The following ASCC1 variants were observed in gnomAD, a reference collection of about 807,000 sequenced individuals.
ASCC1 encodes the protein ASC-1 complex subunit P50.
ASCC1 carries 35 observed loss-of-function variants against 46.6 expected under a neutral mutation model. That is an observed-to-expected ratio of 0.75 (90% CI 0.57 to 0.99). The LOEUF (loss-of-function observed/expected upper bound fraction) is 0.99, where lower values mean the gene tolerates loss of function less well. Ranked by LOEUF, ASCC1 falls within the 50% of genes least tolerant of loss-of-function variation. The pLI is 0.00. For synonymous variants in ASCC1, 143 were observed against 146.6 expected, an observed-to-expected ratio of 0.98 and a Z score of 0.18; for missense variants, 376 against 428.7, an observed-to-expected ratio of 0.88 and a Z score of 1.09.
chr10:72,177,332 G>C (rs1321999662), intron 5 of ASCC1, among the ~76,000 whole-genome samples: 2 of 151,976 alleles, frequency 1.3e-5, no homozygotes, highest in African/African-American at 4.8e-5. Flanking sequence ...CAGTTCAAAA[G>C]ATAACTACAA....
intron 7 of ASCC1, among the ~76,000 whole-genome samples, chr10:72,142,182 GTCTT>G (rs1167524685): frequency 7.9e-5 from 12 of 152,026 alleles, no homozygotes; most frequent in Non-Finnish European, 1.5e-4. Flanking sequence ...TTTATCAAAA[GTCTT>G]TCAGCCATGC....
chr10:72,100,470 G>A (rs1398414311), intron 9 of ASCC1, among the ~76,000 whole-genome samples: 4 of 151,878 alleles, frequency 2.6e-5, no homozygotes, highest in African/African-American at 7.3e-5. Flanking sequence ...CAGGTGGTCC[G>A]CCTGCCTTGG....
At chr10:72,184,605 G>C (rs931691337) in intron 5 of ASCC1, among the ~76,000 whole-genome samples, 1 of 152,034 alleles carries the variant, frequency 6.6e-6, no homozygotes, top group African/African-American at 2.4e-5. Context: ...TATCAAGAAG[G>C]TGTGGAAAAA....
At chr10:72,207,072 T>C (rs1474663239) in intron 3 of ASCC1, among the ~76,000 whole-genome samples, 9 of 152,104 alleles carry the variant, frequency 5.9e-5, no homozygotes, top group Admixed American at 5.9e-4. Flanking sequence ...ACCTTTTCAG[T>C]TAAAAGTATA....
At chr10:72,190,700 A>G in intron 5 of ASCC1, 2 of 629,596 alleles carry the variant, frequency 3.2e-6, no homozygotes, top group East Asian at 5.6e-5. Context: ...TGTCAAATTA[A>G]GACAGTTAAA....
chr10:72,210,976 C>A, intron 2 of ASCC1, 145 bp from the exon 3 acceptor site: 1 of 727,526 alleles, frequency 1.4e-6, no homozygotes. Flanking sequence ...TTCCATGACA[C>A]TGCTCTGATA....
chr10:72,201,597 T>G (rs7069504), intron 4 of ASCC1, among the ~76,000 whole-genome samples: 20,847 of 151,500 alleles, frequency 0.14, 4,052 homozygotes, highest in African/African-American at 0.43. Context: ...GAGGGAAAAG[T>G]ATTGCTTGAG....
chr10:72,175,531 G>A (rs1344360255), intron 5 of ASCC1, among the ~76,000 whole-genome samples: 5 of 152,132 alleles, frequency 3.3e-5, no homozygotes, highest in African/African-American at 1.2e-4. Context: ...TAGAAAAAAG[G>A]GTTTTGTTTC....
intron 9 of ASCC1, among the ~76,000 whole-genome samples, chr10:72,127,065 G>C (rs1380213608): frequency 6.6e-6 from 1 of 152,154 alleles, no homozygotes; most frequent in East Asian, 1.9e-4. Flanking sequence ...AAACTGTAAA[G>C]AGACAACATA....
intron 5 of ASCC1, among the ~76,000 whole-genome samples, chr10:72,176,081 C>T (rs1400470247): frequency 6.6e-6 from 1 of 152,236 alleles, no homozygotes; most frequent in Admixed American, 6.5e-5. Flanking sequence ...AACTCATTTA[C>T]TCTTCATATC....
chr10:72,119,113 T>C (rs938184987), intron 9 of ASCC1, among the ~76,000 whole-genome samples: 2 of 152,194 alleles, frequency 1.3e-5, no homozygotes, highest in South Asian at 2.1e-4. Context: ...CTAACTGTAA[T>C]TGACGAACTG....
chr10:72,104,227 C>T (rs1842105922), intron 9 of ASCC1, among the ~76,000 whole-genome samples: 1 of 152,118 alleles, frequency 6.6e-6, no homozygotes, highest in Non-Finnish European at 1.5e-5. Flanking sequence ...TAAATAGCCA[C>T]AGTGAGGAAC....
chr10:72,187,961 G>GA (rs942110001), intron 5 of ASCC1, among the ~76,000 whole-genome samples: 38 of 145,956 alleles, frequency 2.6e-4, no homozygotes, highest in African/African-American at 4.5e-4. Flanking sequence ...TCAAAAAAAA[G>GA]AAAAAAAAAA....
At position 72,096,965 on chromosome 10, in the gene ASCC1, T is replaced by G. The variant is rs1202679865; in HGVS notation, c.*369A>C. ...TCCATTTTACAAGCTGAGAAGCCTA[T>G]GGAGATGGACGGCGGTGACGGCCAC... On this transcript the variant is annotated 3_prime_UTR_variant, in exon 10 of 10. Transcript: ENST00000672957. 2.2e-6 allele frequency: 1 copy of G among 454,810 alleles called. No homozygotes were observed. The highest frequency in any genetic ancestry group is 6.9e-5 in the East Asian group (1 of 14,434). 28.2% of individuals were successfully genotyped at this position (454,810 alleles called of 1,614,324 possible).
chr10:72,096,281 C>T lies in ASCC1; in HGVS notation c.*1053G>A, dbSNP rs756221905. 4 of 454,034 alleles carry T rather than the reference C, an allele frequency of 8.8e-6. No homozygotes were observed. Among genetic ancestry groups the T allele is most frequent in the Admixed American group, 4.7e-5 (2 of 42,566 alleles). The allele number at this position is 454,034 out of a possible 1,614,324, so 28.1% of individuals were successfully genotyped here. A position where few individuals can be genotyped will look rare whatever the true frequency, so the allele number is the denominator to read the frequency against. The stretch of plus-strand genomic sequence containing the variant: ...GCATTCCCGCCTCCCTCTGCTGGTC[C>T]GTGGTGAGGGAGGAGTGAGGGCCTC... On this transcript the variant is annotated 3_prime_UTR_variant, in exon 10 of 10. Coordinates refer to ENST00000672957, the MANE Select transcript of ASCC1 (RefSeq NM_001198800.3).
rs1014099173 is a variant in ASCC1 at position 72,166,566 on chromosome 10, AAAAG to A, written c.490-4896_490-4893del. 1.4e-4 allele frequency among the ~76,000 whole-genome samples: 21 copies of A among 152,014 alleles called. 1 individual carries two copies. Among genetic ancestry groups the A allele is most frequent in the African/African-American group, 4.8e-4 (20 of 41,328 alleles). On this transcript the variant is annotated intron_variant, in intron 5 of 9. Transcript: ENST00000672957. ...ATATGACACCAAAAGCATAATCCAT[AAAAG>A]AAAAAAAAATGGATAAAGTGAACTT...
chr10:72,171,637 G>A (rs1473144373), intron 5 of ASCC1, among the ~76,000 whole-genome samples: 4 of 152,066 alleles, frequency 2.6e-5, no homozygotes, highest in Non-Finnish European at 5.9e-5. Flanking sequence ...GGCTGATCTC[G>A]AACTCCTGAC....
At chr10:72,137,724 C>T (rs779117499) in intron 7 of ASCC1, among the ~76,000 whole-genome samples, 4 of 152,104 alleles carry the variant, frequency 2.6e-5, no homozygotes, top group African/African-American at 4.8e-5. Flanking sequence ...CATAACCTCA[C>T]CACGCAGATA....
chr10:72,147,312 G>A (rs1847757992), intron 7 of ASCC1, among the ~76,000 whole-genome samples: 1 of 152,120 alleles, frequency 6.6e-6, no homozygotes, highest in Middle Eastern at 3.4e-3. Flanking sequence ...AGAGTGCTGT[G>A]TCACGATCTT....
Sources: allele counts gnomAD v4.1 joint callset (sites outside exome capture counted in the v4.1 genomes callset), GRCh38; gene constraint gnomAD v4.1.1; transcripts MANE v1.5; gene names NCBI Gene and HGNC (gene_info 2026-07-23, HGNC 2026-07-21).